PEMT: variants seen among roughly 807,000 people sequenced by gnomAD.
The protein encoded by PEMT is phospholipid methyltransferase.
Under a neutral mutation model 27.4 loss-of-function variants are expected in PEMT, and 23 were observed. The ratio of observed to expected loss-of-function variants is 0.84; its 90% confidence interval spans 0.60 to 1.19. The LOEUF is 1.19. PEMT is among the 50% of genes most tolerant of loss of function. The pLI, the probability that PEMT is intolerant of heterozygous loss-of-function variation, is 0.00. For synonymous variants in PEMT, 137 were observed against 139.1 expected (o/e 0.98, Z 0.11); for missense variants, 307 against 310.1 (o/e 0.99, Z 0.07).
chr17:17,551,391 G>A (rs1290907774), intron 2 of PEMT, among the ~76,000 whole-genome samples: 4 of 152,224 alleles, frequency 2.6e-5, no homozygotes, highest in African/African-American at 9.6e-5. Flanking sequence ...AGAGGCAAGG[G>A]GCAGAGGGCC....
At chr17:17,581,042 C>G (rs1911946027) in intron 1 of PEMT, among the ~76,000 whole-genome samples, 1 of 152,206 alleles carries the variant, frequency 6.6e-6, no homozygotes, top group Non-Finnish European at 1.5e-5. Flanking sequence ...CCTAGGGACA[C>G]TGAGCCTGGG....
intron 1 of PEMT, among the ~76,000 whole-genome samples, chr17:17,583,061 C>CAA (rs1293433045): frequency 9.8e-6 from 1 of 101,828 alleles, no homozygotes. Context: ...GACTCCATCT[C>CAA]AAAAAAAAAA....
intron 2 of PEMT, among the ~76,000 whole-genome samples, chr17:17,547,102 G>A (rs1415647205): frequency 6.6e-6 from 1 of 152,268 alleles, no homozygotes; most frequent in African/African-American, 2.4e-5. Context: ...TAGCAGCTCC[G>A]CTGTTACTGC....
intron 2 of PEMT, among the ~76,000 whole-genome samples, chr17:17,527,564 T>C (rs973437715): frequency 1.4e-4 from 20 of 141,526 alleles, no homozygotes; most frequent in Admixed American, 1.0e-3. Flanking sequence ...CTAATAATAC[T>C]CTCGACTGCG....
chr17:17,569,407 C>T (rs1911041883), intron 2 of PEMT, among the ~76,000 whole-genome samples: 1 of 152,118 alleles, frequency 6.6e-6, no homozygotes, highest in Non-Finnish European at 1.5e-5. Flanking sequence ...GCACACTGAC[C>T]TTGAGGATGG....
chr17:17,535,734 T>C (rs956959368), intron 2 of PEMT, among the ~76,000 whole-genome samples: 2 of 152,020 alleles, frequency 1.3e-5, no homozygotes, highest in Admixed American at 6.6e-5. Context: ...AGAAGACAGA[T>C]GAAACAAGAA....
chr17:17,581,703 T>C (rs1249037809), intron 1 of PEMT, among the ~76,000 whole-genome samples: 2 of 152,014 alleles, frequency 1.3e-5, no homozygotes, highest in Admixed American at 6.6e-5. Flanking sequence ...CCCTCCCCCC[T>C]CTCCCTCCTG....
intron 2 of PEMT, among the ~76,000 whole-genome samples, chr17:17,548,046 G>A (rs1016173511): frequency 5.3e-5 from 8 of 152,218 alleles, no homozygotes; most frequent in African/African-American, 1.7e-4. Flanking sequence ...ACGCACAGCA[G>A]CGGGATGTTC....
chr17:17,541,747 G>A (rs1315506410), intron 2 of PEMT, among the ~76,000 whole-genome samples: 1 of 152,254 alleles, frequency 6.6e-6, no homozygotes, highest in Non-Finnish European at 1.5e-5. Flanking sequence ...TCAGCGACCG[G>A]GGCCTGCCCA....
intron 2 of PEMT, among the ~76,000 whole-genome samples, chr17:17,527,384 G>A (rs983962669): frequency 3.3e-5 from 5 of 152,146 alleles, no homozygotes; most frequent in African/African-American, 9.7e-5. Context: ...CGGCTCCTTC[G>A]CACTCACTGA....
intron 2 of PEMT, among the ~76,000 whole-genome samples, chr17:17,550,720 G>A (rs2142643005): frequency 6.6e-6 from 1 of 152,308 alleles, no homozygotes; most frequent in East Asian, 1.9e-4. Flanking sequence ...CTCTCCCAGG[G>A]CACAAAGCCT....
intron 3 of PEMT, among the ~76,000 whole-genome samples, chr17:17,519,616 G>A (rs1264990223): frequency 6.6e-6 from 1 of 152,204 alleles, no homozygotes; most frequent in East Asian, 1.9e-4. Flanking sequence ...GCTGGGGCCT[G>A]GAGGAGGAAG....
intron 2 of PEMT, among the ~76,000 whole-genome samples, chr17:17,545,059 C>T (rs951221039): frequency 3.9e-5 from 6 of 152,198 alleles, no homozygotes; most frequent in African/African-American, 7.2e-5. Flanking sequence ...CCCGTGCAGG[C>T]GGCCACCAAG....
rs145130180 is a variant in PEMT, at chr17:17,541,411, G to C, written c.205-19016C>G. Among the ~76,000 whole-genome samples, 291 of 152,314 alleles carry C rather than the reference G, an allele frequency of 1.9e-3. 2 individuals are homozygous for C. Among genetic ancestry groups the C allele is most frequent in the African/African-American group, 6.8e-3 (282 of 41,572 alleles). The stretch of plus-strand genomic sequence containing the variant: ...GAAGCAGGGAGCATCGTGGACCGTG[G>C]CCCGCAGCACCTGTCCCCACTTAGC... On this transcript the variant is annotated intron_variant, in intron 2 of 6. Transcript: ENST00000255389.
intron 2 of PEMT, among the ~76,000 whole-genome samples, chr17:17,544,073 G>A (rs555204861): frequency 1.3e-5 from 2 of 152,054 alleles, no homozygotes; most frequent in Admixed American, 1.3e-4. Flanking sequence ...GTCGGTGAGG[G>A]GGGCACTGGA....
chr17:17,587,263 T>C (rs1181150730), intron 1 of PEMT, among the ~76,000 whole-genome samples: 1 of 152,156 alleles, frequency 6.6e-6, no homozygotes, highest in Admixed American at 6.6e-5. Context: ...ACTTCTCTAC[T>C]GACCTCACAA....
Position 17,506,273 on chromosome 17 carries a change from T to C in PEMT, c.607A>G (p.Thr203Ala), listed in dbSNP as rs1221217569. 1.9e-6 allele frequency: 3 copies of C among 1,586,398 alleles called. No homozygotes were observed. The highest frequency in any genetic ancestry group is 1.3e-5 in the African/African-American group (1 of 74,420). Residue 203 changes from threonine (T) to alanine (A), a missense_variant, in exon 6 of 7, where the codon ACG becomes GCG. Thr to Ala is a moderately conservative substitution (Grantham distance 58). Coordinates refer to ENST00000255389, the MANE Select transcript of PEMT (RefSeq NM_148172.3). ...MHASPTGLLL[T>A]VLVALTYIVA... Reference sequence around the variant, plus strand: ...ATGTAGGTGAGGGCCACCAGCACCGTCAGGAGCAGGCCCGTGGGGCTGGCG... The same window carrying C: ...ATGTAGGTGAGGGCCACCAGCACCGCCAGGAGCAGGCCCGTGGGGCTGGCG...
rs992019184 is a variant in PEMT at position 17,512,385 on chromosome 17, G to A, written c.466+124C>T. 8.9e-6 allele frequency: 8 copies of A among 899,624 alleles called. No individual in the cohort carries two copies. The South Asian group carries it at 1.6e-4, about 18-fold the overall frequency. The allele number at this position is 899,624 out of a possible 1,614,324, so 55.7% of individuals were successfully genotyped here. Reference sequence around the variant, plus strand: ...AGGCCTGGAGGAGCAAAGACGCCCCGATGGAGGGGGCCCCTAGCACTCCCA... The same window carrying A: ...AGGCCTGGAGGAGCAAAGACGCCCCAATGGAGGGGGCCCCTAGCACTCCCA... On this transcript the variant is annotated intron_variant, in intron 4 of 6. Coordinates refer to ENST00000255389, the MANE Select transcript of PEMT (RefSeq NM_148172.3). This position sits in a 1 kb window ranked among gnomAD's most constrained non-coding sequence, Gnocchi z 6.3.
chr17:17,535,689 A>C (rs1908414451), intron 2 of PEMT, among the ~76,000 whole-genome samples: 1 of 152,248 alleles, frequency 6.6e-6, no homozygotes, highest in Non-Finnish European at 1.5e-5. Context: ...GAAAGGAAGC[A>C]GACAGGAGTG....
Sources: gnomAD v4.1 joint callset for allele counts (sites outside exome capture counted in the v4.1 genomes callset) on GRCh38, gnomAD v4.1.1 for gene constraint, Gnocchi (gnomAD v3.1) non-coding constraint, MANE v1.5 for transcripts, NCBI Gene and HGNC (gene_info 2026-07-23, HGNC 2026-07-21) for gene names.